Variants in CBR4 observed in about 807,000 individuals in gnomAD.
CBR4 encodes the protein 3-oxoacyl-[acyl-carrier-protein] reductase.
CBR4 carries 22 observed loss-of-function variants against 21.0 expected under a neutral mutation model. The observed-to-expected ratio is 1.05, with a 90% CI of 0.75 to 1.50. CBR4 has a LOEUF of 1.50. Among genes scored for constraint, CBR4 ranks in the 40% most tolerant of loss-of-function variants. The pLI, the probability that CBR4 is intolerant of heterozygous loss-of-function variation, is 0.00. For missense variants in CBR4, 302 were observed against 286.3 expected (o/e 1.05, Z -0.40); for synonymous variants, 100 against 104.4 (o/e 0.96, Z 0.26).
chr4:168,939,630 C>T (rs941818796), intron 2 of CBR4, among the ~76,000 whole-genome samples: 3 of 152,182 alleles, frequency 2.0e-5, no homozygotes, highest in African/African-American at 7.2e-5. Context: ...GCAAAAATCA[C>T]AAGCATTCCT....
rs1484523865 is a variant in CBR4 at position 168,989,339 on chromosome 4, C to T, written c.*811G>A. ...TCACTACTGTACCAGGTATTAAAACCTTAAGGGCTAATCCTCTTCACTTAT... is the reference window on the plus strand; with the variant it reads ...TCACTACTGTACCAGGTATTAAAACTTTAAGGGCTAATCCTCTTCACTTAT... On this transcript the variant is annotated 3_prime_UTR_variant, in exon 5 of 5. Coordinates refer to ENST00000306193, the MANE Select transcript of CBR4 (RefSeq NM_032783.5). The T allele has an allele frequency of 1.0e-6, 1 of 985,188 alleles. No individual in the cohort carries two copies. The highest frequency in any genetic ancestry group is 1.7e-5 in the African/African-American group (1 of 57,208). The allele number at this position is 985,188 out of a possible 1,614,324, so 61.0% of individuals were successfully genotyped here. A position where few individuals can be genotyped will look rare whatever the true frequency, so the allele number is the denominator to read the frequency against.
chr4:168,973,246 T>C (rs1293214615), intron 2 of CBR4, among the ~76,000 whole-genome samples: 1 of 152,196 alleles, frequency 6.6e-6, no homozygotes, highest in African/African-American at 2.4e-5. Context: ...GTTGTTTTTG[T>C]TATGTTCCTT....
intron 2 of CBR4, among the ~76,000 whole-genome samples, chr4:168,936,203 A>C (rs1763107630): frequency 6.6e-6 from 1 of 152,234 alleles, no homozygotes. Flanking sequence ...GACTGTTAGA[A>C]GGAAAACTAA....
intron 3 of CBR4, among the ~76,000 whole-genome samples, chr4:169,004,521 A>G (rs1027592915): frequency 2.1e-4 from 32 of 152,220 alleles, no homozygotes; most frequent in Non-Finnish European, 5.9e-5. Flanking sequence ...GATATTCTAA[A>G]TCCTTTGTCA....
At chr4:168,896,410 T>G (rs891320695) in intron 2 of CBR4, 5 of 647,750 alleles carry the variant, frequency 7.7e-6, no homozygotes, top group African/African-American at 5.4e-5. Context: ...AGCAGAATGG[T>G]TGTGTGAGTA....
At chr4:168,996,909 T>C (rs1213062983) in intron 4 of CBR4, among the ~76,000 whole-genome samples, 1 of 152,206 alleles carries the variant, frequency 6.6e-6, no homozygotes, top group African/African-American at 2.4e-5. Flanking sequence ...GACATATAAA[T>C]GGTCTCTTAG....
chr4:168,932,440 TAAGTG>T (rs891944483), intron 2 of CBR4, among the ~76,000 whole-genome samples: 2 of 151,348 alleles, frequency 1.3e-5, no homozygotes, highest in Non-Finnish European at 2.9e-5. Context: ...GGGACACTGT[TAAGTG>T]AACAAATATT....
chr4:168,979,898 CCTTA>C (rs1430987245), intron 2 of CBR4, among the ~76,000 whole-genome samples: 1 of 152,088 alleles, frequency 6.6e-6, no homozygotes, highest in African/African-American at 2.4e-5. Context: ...ACCCTGAGTG[CCTTA>C]CTCTCACCTC....
At chr4:168,958,191 G>C (rs1433061844) in intron 2 of CBR4, among the ~76,000 whole-genome samples, 1 of 151,884 alleles carries the variant, frequency 6.6e-6, no homozygotes, top group African/African-American at 2.4e-5. Context: ...TTGAACCCAA[G>C]AGGCGGAGGT....
intron 2 of CBR4, among the ~76,000 whole-genome samples, chr4:168,944,090 G>A (rs1004126834): frequency 1.2e-4 from 18 of 151,998 alleles, no homozygotes; most frequent in African/African-American, 4.1e-4. Flanking sequence ...TTTTGAAAAA[G>A]TATCTTAATT....
chr4:168,921,771 G>T, intron 2 of CBR4: 1 of 1,520,036 alleles, frequency 6.6e-7, no homozygotes, highest in South Asian at 1.1e-5. Flanking sequence ...CTTGCTCTCT[G>T]ACAGAATGAA....
chr4:169,006,144 C>T (rs1316017368), intron 3 of CBR4, among the ~76,000 whole-genome samples: 2 of 152,136 alleles, frequency 1.3e-5, no homozygotes, highest in Non-Finnish European at 2.9e-5. Flanking sequence ...CAAGATTTAA[C>T]AGTAACCCAT....
At chr4:168,932,121 TA>T (rs755510816) in intron 2 of CBR4, among the ~76,000 whole-genome samples, 1 of 151,612 alleles carries the variant, frequency 6.6e-6, no homozygotes, top group African/African-American at 2.4e-5. Context: ...TGAAATGCCA[TA>T]AAAAGAATTG....
In CBR4 at chr4:168,988,894, A is replaced by C; in HGVS notation, c.*1256T>G. ...TGCACTGACTTTCAATATAAAATTA[A>C]ATCTCTGCTTACACAAAATAACTGT... On this transcript the variant is annotated 3_prime_UTR_variant, in exon 5 of 5. Transcript: ENST00000306193. The C allele has an allele frequency of 1.0e-6, 1 of 978,806 alleles. No individual in the cohort carries two copies. Among genetic ancestry groups the C allele is most frequent in the Non-Finnish European group, 1.2e-6 (1 of 823,886 alleles). The allele number at this position is 978,806 out of a possible 1,614,324, so 60.6% of individuals were successfully genotyped here.
intron 3 of CBR4, among the ~76,000 whole-genome samples, chr4:169,006,457 T>C (rs943852699): frequency 1.4e-4 from 21 of 152,230 alleles, no homozygotes; most frequent in Non-Finnish European, 2.9e-4. Context: ...ATCTAAGTGG[T>C]GGCCTCCACC....
At chr4:168,982,500 G>C (rs10008358) in intron 2 of CBR4, among the ~76,000 whole-genome samples, 1,729 of 152,136 alleles carry the variant, frequency 0.011, 48 homozygotes, top group African/African-American at 0.039. Context: ...TGAAAGTACT[G>C]GGCAGATCAC....
intron 2 of CBR4, among the ~76,000 whole-genome samples, chr4:168,916,438 G>A (rs7693134): frequency 0.55 from 83,168 of 151,830 alleles, 25,847 homozygotes; most frequent in East Asian, 0.89. Context: ...AGCTTAAGGG[G>A]GGGAAAAAGT....
Position 168,921,686 on chromosome 4 carries a change from T to C in CBR4, n.170-26921A>G, listed in dbSNP as rs769077416. On this transcript the variant is annotated intron_variant and non_coding_transcript_variant, in intron 2 of 3. Transcript: ENST00000509108. Reference sequence around the variant, plus strand: ...CACGTGATGCCGGCATCTACACATGTATAGCTACCAACCGAGCAGGACAGA... The same window carrying C: ...CACGTGATGCCGGCATCTACACATGCATAGCTACCAACCGAGCAGGACAGA... 6.2e-7 allele frequency: 1 copy of C among 1,611,454 alleles called. No homozygotes were observed. The highest frequency in any genetic ancestry group is 2.2e-5 in the East Asian group (1 of 44,844).
rs1318061290 is a variant in CBR4, at chr4:168,975,198, G to C, written n.169+26873C>G. Reference sequence around the variant, plus strand: ...CCTTCTGGGTCTAGCCACCCTTCAGGGCTACCAGACTCCAGGCTGGCAATG... The same window carrying C: ...CCTTCTGGGTCTAGCCACCCTTCAGCGCTACCAGACTCCAGGCTGGCAATG... On this transcript the variant is annotated intron_variant and non_coding_transcript_variant, in intron 2 of 3. Transcript: ENST00000509108. 3.9e-5 allele frequency among the ~76,000 whole-genome samples: 6 copies of C among 152,230 alleles called. No homozygotes were observed. The East Asian group carries it at 1.2e-3, about 29-fold the overall frequency.
Sources: gnomAD v4.1 joint callset for allele counts (sites outside exome capture counted in the v4.1 genomes callset) on GRCh38, gnomAD v4.1.1 for gene constraint, MANE v1.5 for transcripts, NCBI Gene and HGNC (gene_info 2026-07-23, HGNC 2026-07-21) for gene names.